The following BRF1 variants were observed in gnomAD, a reference collection of about 807,000 sequenced individuals.
BRF1 encodes the protein BRF1 general transcription factor IIIB subunit, also known as transcription factor IIIB 90 kDa subunit.
BRF1 carries 59 observed loss-of-function variants against 81.7 expected under a neutral mutation model. That is an observed-to-expected ratio of 0.72 (90% CI 0.59 to 0.90). The LOEUF (loss-of-function observed/expected upper bound fraction) is 0.90, where lower values mean the gene tolerates loss of function less well. Among genes scored for constraint, BRF1 ranks in the 40% least tolerant of loss-of-function variants. The pLI, the probability that BRF1 is intolerant of heterozygous loss-of-function variation, is 0.00. For synonymous variants in BRF1, 491 were observed against 395.6 expected, an observed-to-expected ratio of 1.24 and a Z score of -2.86; for missense variants, 1,050 against 936.3, an observed-to-expected ratio of 1.12 and a Z score of -1.58.
chr14:105,242,338 A>G (rs1403881859), intron 5 of BRF1: 2 of 152,200 alleles, frequency 1.3e-5, no homozygotes, highest in Non-Finnish European at 2.9e-5. Flanking sequence ...TAAAATAGAT[A>G]TTATTTGGAG....
At chr14:105,211,589 T>C (rs940279875) in intron 16 of BRF1, 31 of 433,674 alleles carry the variant, frequency 7.1e-5, no homozygotes, top group East Asian at 2.1e-4. Flanking sequence ...TTCCAGACCA[T>C]AGGCCTCGGC....
In BRF1 at chr14:105,210,710, C is replaced by T. The variant is rs587776251; in HGVS notation, c.1997-122G>A. On this transcript the variant is annotated intron_variant, in intron 17 of 17. Transcript: ENST00000547530. The surrounding 1 kb of genome is among the most constrained non-coding windows in gnomAD (Gnocchi z 4.7). ...TCAGGCTCCAGCCCCAGCCCCAGCC[C>T]CCCGCGCCCCGCCAGGAGCCATCTT... 8 of 1,117,130 alleles carry T rather than the reference C, an allele frequency of 7.2e-6. No homozygotes were observed. The highest frequency in any genetic ancestry group is 1.0e-5 in the Non-Finnish European group (8 of 781,728). The allele number at this position is 1,117,130 out of a possible 1,614,324, so 69.2% of individuals were successfully genotyped here. A position where few individuals can be genotyped will look rare whatever the true frequency, so the allele number is the denominator to read the frequency against.
At chr14:105,289,652 T>C (rs1274737930) in intron 1 of BRF1, among the ~76,000 whole-genome samples, 10 of 152,206 alleles carry the variant, frequency 6.6e-5, no homozygotes, top group Non-Finnish European at 1.0e-4. Context: ...CTTTTTTTTT[T>C]TGAGACGGAG....
rs1180634972 is a variant in BRF1 at position 105,209,468 on chromosome 14, C to G, written c.*1083G>C. 4 of 699,316 alleles carry G rather than the reference C, an allele frequency of 5.7e-6. No homozygotes were observed. The highest frequency in any genetic ancestry group is 1.0e-5 in the Non-Finnish European group (4 of 383,758). The allele number at this position is 699,316 out of a possible 1,614,324, so 43.3% of individuals were successfully genotyped here. ...CCATTCCATGGGGAGGATGAGGCCC[C>G]TGGGGGTCAGTGAGGCACGGCTCTG... is the stretch of plus-strand genomic sequence containing the variant. On this transcript the variant is annotated 3_prime_UTR_variant, in exon 18 of 18. Transcript: ENST00000547530.
intron 11 of BRF1, among the ~76,000 whole-genome samples, chr14:105,221,280 C>G (rs587692396): frequency 3.2e-4 from 48 of 152,346 alleles, no homozygotes; most frequent in Admixed American, 1.0e-3. Context: ...CACGCCCAAG[C>G]TCAGCAAGTG....
At position 105,272,906 on chromosome 14, in the gene BRF1, C is replaced by A; in HGVS notation, c.266-12G>T. Reference sequence around the variant, plus strand: ...GATGTGGCGCCTCCCTAGGACACAGCACGAGGCAGCTCTTAGCCAAATGTT... The same window carrying A: ...GATGTGGCGCCTCCCTAGGACACAGAACGAGGCAGCTCTTAGCCAAATGTT... On this transcript the variant is annotated splice_polypyrimidine_tract_variant and intron_variant, in intron 2 of 17. Coordinates refer to ENST00000547530, the MANE Select transcript of BRF1 (RefSeq NM_001519.4). The A allele has an allele frequency of 6.3e-7, 1 of 1,586,104 alleles. No individual in the cohort carries two copies. Among genetic ancestry groups the A allele is most frequent in the East Asian group, 2.3e-5 (1 of 43,954 alleles).
chr14:105,247,450 T>TA (rs2055197205), intron 5 of BRF1: 1 of 985,420 alleles, frequency 1.0e-6, no homozygotes, highest in Non-Finnish European at 1.2e-6. Flanking sequence ...GCCCGTTTTT[T>TA]AAAAAACTGG....
At chr14:105,218,894 G>A (rs2141449768) in intron 14 of BRF1, 104 bp downstream of exon 14, 2 of 1,533,060 alleles carry the variant, frequency 1.3e-6, no homozygotes, top group Non-Finnish European at 1.8e-6. Flanking sequence ...CTGCCCTGGG[G>A]CCTAGACCCT....
chr14:105,295,303 C>CAAAAAAAAAAAAAA lies in BRF1; in HGVS notation c.184+5129_184+5142dup, dbSNP rs869251134. ...GCAGCAAAGCAAGACCACATCTCTA[C>CAAAAAAAAAAAAAA]AAAAAAAAAAAAAAAAAAAAAAAAA... On this transcript the variant is annotated intron_variant, in intron 1 of 17. Coordinates refer to ENST00000547530, the MANE Select transcript of BRF1 (RefSeq NM_001519.4). 5.5e-5 allele frequency among the ~76,000 whole-genome samples: 2 copies of CAAAAAAAAAAAAAA among 36,598 alleles called. 1 individual carries two copies. Among genetic ancestry groups the CAAAAAAAAAAAAAA allele is most frequent in the Non-Finnish European group, 1.2e-4 (2 of 16,250 alleles). The allele number at this position is 36,598 out of a possible 152,430, so 24.0% of individuals were successfully genotyped here. A position where few individuals can be genotyped will look rare whatever the true frequency, so the allele number is the denominator to read the frequency against.
intron 5 of BRF1, chr14:105,241,814 C>A (rs141041517): frequency 4.5e-6 from 1 of 221,596 alleles, no homozygotes; most frequent in African/African-American, 2.2e-5. Context: ...AGTCGCCAGC[C>A]GGCCGGCATC....
upstream of BRF1, among the ~76,000 whole-genome samples, chr14:105,303,875 C>T (rs1017247996): frequency 6.6e-6 from 1 of 152,230 alleles, no homozygotes; most frequent in Non-Finnish European, 1.5e-5. Context: ...ACACTGTTGT[C>T]TCCATTTTAT....
chr14:105,260,952 C>T (rs1566845468), intron 3 of BRF1, among the ~76,000 whole-genome samples: 1 of 152,264 alleles, frequency 6.6e-6, no homozygotes, highest in Non-Finnish European at 1.5e-5. Context: ...GGTCCCCCAG[C>T]TAATGAGCTC....
At position 105,284,751 on chromosome 14, in the gene BRF1, A is replaced by C. The variant is rs1280105670; in HGVS notation, c.265+1545T>G. The stretch of plus-strand genomic sequence containing the variant: ...ATGCTTCCCCAGGATCAAGGACAAG[A>C]GGATGTCTGTTCACACCACTGCTAT... On this transcript the variant is annotated intron_variant, in intron 2 of 17. Coordinates refer to ENST00000547530, the MANE Select transcript of BRF1 (RefSeq NM_001519.4). The surrounding 1 kb of genome is among the most constrained non-coding windows in gnomAD (Gnocchi z 4.0). 6.6e-6 allele frequency among the ~76,000 whole-genome samples: 1 copy of C among 152,196 alleles called. No individual in the cohort carries two copies. The highest frequency in any genetic ancestry group is 2.4e-5 in the African/African-American group (1 of 41,446).
intron 12 of BRF1, chr14:105,219,862 C>T (rs1891981714): frequency 9.8e-6 from 6 of 612,194 alleles, no homozygotes; most frequent in East Asian, 2.8e-5. Context: ...AGGGGCCTCT[C>T]GACAGGCCGC....
chr14:105,244,618 G>T (rs1566827687), intron 5 of BRF1, among the ~76,000 whole-genome samples: 1 of 152,028 alleles, frequency 6.6e-6, no homozygotes, highest in Non-Finnish European at 1.5e-5. Context: ...CAAGCAGCCT[G>T]GAATCTGCAG....
At chr14:105,272,408 G>T (rs1485474655) in intron 3 of BRF1, among the ~76,000 whole-genome samples, 1 of 152,242 alleles carries the variant, frequency 6.6e-6, no homozygotes, top group Non-Finnish European at 1.5e-5. Context: ...CGTGGAGACA[G>T]CACCCAAGGC....
At chr14:105,220,616 G>A (rs1778786136) in intron 11 of BRF1, among the ~76,000 whole-genome samples, 1 of 152,176 alleles carries the variant, frequency 6.6e-6, no homozygotes, top group South Asian at 2.1e-4. Context: ...CCATGATCAT[G>A]CTCAGGACAC....
At chr14:105,218,859 T>C in intron 14 of BRF1, 139 bp downstream of exon 14, 2 of 1,238,528 alleles carry the variant, frequency 1.6e-6, no homozygotes, top group Non-Finnish European at 2.3e-6. Flanking sequence ...GGGTCTGGGG[T>C]CCAGAGCACA....
In BRF1 at chr14:105,241,433, C is replaced by G. The variant is rs1335134305; in HGVS notation, c.545-19G>C. The G allele has an allele frequency of 1.2e-6, 2 of 1,609,044 alleles. No homozygotes were observed. Among genetic ancestry groups the G allele is most frequent in the Admixed American group, 3.3e-5 (2 of 60,008 alleles). On this transcript the variant is annotated intron_variant, in intron 5 of 17. Coordinates refer to ENST00000547530, the MANE Select transcript of BRF1 (RefSeq NM_001519.4). ...CACGGGTCTGCGGCAGACACAGCAC[C>G]TCAGTGCCCACCTCCATGTGCCATG...
Sources: allele counts gnomAD v4.1 joint callset (sites outside exome capture counted in the v4.1 genomes callset), GRCh38; gene constraint gnomAD v4.1.1; non-coding constraint Gnocchi (gnomAD v3.1); transcripts MANE v1.5; gene names NCBI Gene and HGNC (gene_info 2026-07-23, HGNC 2026-07-21).